Variants in HTR3B observed in about 807,000 individuals in gnomAD.
The protein encoded by HTR3B is 5-hydroxytryptamine receptor 3B, also known as 5-hydroxytryptamine (serotonin) receptor 3B, ionotropic.
A neutral mutation model predicts 42.8 loss-of-function variants in HTR3B; 44 were observed. That is an observed-to-expected ratio of 1.03 (90% CI 0.81 to 1.32). The LOEUF is 1.32. HTR3B is among the 40% of genes most tolerant of loss of function. The pLI is 0.00. For synonymous variants in HTR3B, 203 were observed against 209.0 expected, an observed-to-expected ratio of 0.97 and a Z score of 0.25; for missense variants, 527 against 536.5, an observed-to-expected ratio of 0.98 and a Z score of 0.17.
At chr11:113,909,131 A>C in intron 1 of HTR3B, 164 bp from the exon 2 acceptor site, 2 of 634,030 alleles carry the variant, frequency 3.2e-6, no homozygotes, top group Non-Finnish European at 5.6e-6. Flanking sequence ...GCTTACTTTA[A>C]GCATTTGCCA....
intron 6 of HTR3B, among the ~76,000 whole-genome samples, chr11:113,940,479 A>G (rs910334230): frequency 2.0e-5 from 3 of 152,204 alleles, no homozygotes; most frequent in East Asian, 3.9e-4. Context: ...GCATGATGAC[A>G]GGAGCTAGAG....
chr11:113,903,549 C>T (rs1949710898), upstream of HTR3B, among the ~76,000 whole-genome samples: 1 of 151,564 alleles, frequency 6.6e-6, no homozygotes, highest in Non-Finnish European at 1.5e-5. Context: ...CTGCCTCAGC[C>T]TCCCGAGTAG....
At chr11:113,941,658 G>T (rs1478563774) in intron 6 of HTR3B, among the ~76,000 whole-genome samples, 2 of 152,134 alleles carry the variant, frequency 1.3e-5, no homozygotes. Flanking sequence ...GACCAGTAGG[G>T]AGAGGAAGCA....
chr11:113,908,653 T>A (rs774454652), intron 1 of HTR3B, among the ~76,000 whole-genome samples: 1 of 152,204 alleles, frequency 6.6e-6, no homozygotes, highest in Non-Finnish European at 1.5e-5. Flanking sequence ...GATTTTTGGG[T>A]CAGAAGAAAT....
rs1050371993 is a variant in HTR3B, at chr11:113,946,194, T to C, written c.*57T>C. ...CACTTAGGAGAGAGAGGAGGGGGAA[T>C]AATAGTGGGTTAAAAAGCTTTCTGG... On this transcript the variant is annotated 3_prime_UTR_variant, in exon 9 of 9. Coordinates refer to ENST00000260191, the MANE Select transcript of HTR3B (RefSeq NM_006028.5). 18 of 1,387,318 alleles carry C rather than the reference T, an allele frequency of 1.3e-5. No individual in the cohort carries two copies. The highest frequency in any genetic ancestry group is 2.3e-5 in the South Asian group (2 of 86,238). The allele number at this position is 1,387,318 out of a possible 1,614,324, so 85.9% of individuals were successfully genotyped here. A position where few individuals can be genotyped will look rare whatever the true frequency, so the allele number is the denominator to read the frequency against.
Position 113,946,231 on chromosome 11 carries a change from T to A in HTR3B, c.*94T>A, listed in dbSNP as rs1430913886. ...AAAAAGCTTTCTGGGTCGGGTGTGG[T>A]GGTTCTTGCCTATAGTCCCAGTGCT... On this transcript the variant is annotated 3_prime_UTR_variant, in exon 9 of 9. Coordinates refer to ENST00000260191, the MANE Select transcript of HTR3B (RefSeq NM_006028.5). The A allele has an allele frequency of 1.0e-6, 1 of 982,482 alleles. No homozygotes were observed. The highest frequency in any genetic ancestry group is 1.6e-6 in the Non-Finnish European group (1 of 644,312). The allele number at this position is 982,482 out of a possible 1,614,324, so 60.9% of individuals were successfully genotyped here. A position where few individuals can be genotyped will look rare whatever the true frequency, so the allele number is the denominator to read the frequency against.
intron 6 of HTR3B, among the ~76,000 whole-genome samples, chr11:113,938,572 A>T (rs1473892775): frequency 6.6e-6 from 1 of 152,246 alleles, no homozygotes; most frequent in East Asian, 1.9e-4. Flanking sequence ...AGTATTTAGG[A>T]TAGTACCAGA....
At chr11:113,943,807 G>C (rs544558106) in intron 7 of HTR3B, among the ~76,000 whole-genome samples, 52 of 151,206 alleles carry the variant, frequency 3.4e-4, no homozygotes, top group African/African-American at 1.1e-3. Flanking sequence ...AGCAAGAACG[G>C]AAGGGAAGGG....
Position 113,931,875 on chromosome 11 carries a change from T to C in HTR3B, c.368+8T>C, listed in dbSNP as rs765930412. ...TATCATCATCAATGAGTTGTAAGTGTGCCAGTGTGTATTTCTGTGGGGTTT... is the reference window on the plus strand; with the variant it reads ...TATCATCATCAATGAGTTGTAAGTGCGCCAGTGTGTATTTCTGTGGGGTTT... On this transcript the variant is annotated splice_region_variant and intron_variant, in intron 4 of 8. Coordinates refer to ENST00000260191, the MANE Select transcript of HTR3B (RefSeq NM_006028.5). The C allele has an allele frequency of 2.7e-6, 4 of 1,486,868 alleles. No homozygotes were observed. Among genetic ancestry groups the C allele is most frequent in the Non-Finnish European group, 3.8e-6 (4 of 1,063,584 alleles). The allele number at this position is 1,486,868 out of a possible 1,614,324, so 92.1% of individuals were successfully genotyped here.
In HTR3B at chr11:113,947,638, C is replaced by G. The variant is rs918623960; in HGVS notation, c.*1501C>G. The stretch of plus-strand genomic sequence containing the variant: ...TCTGTGTCCAGATTTTCTCTTCTAA[C>G]AAGGGCACCAGTGTTGTTGGTTTAG... On this transcript the variant is annotated 3_prime_UTR_variant, in exon 9 of 9. Coordinates refer to ENST00000260191, the MANE Select transcript of HTR3B (RefSeq NM_006028.5). Among the ~76,000 whole-genome samples the G allele has an allele frequency of 1.3e-5, 2 of 152,138 alleles. No homozygotes were observed. Among genetic ancestry groups the G allele is most frequent in the African/African-American group, 4.8e-5 (2 of 41,426 alleles).
chr11:113,917,093 T>C (rs1949861599), intron 2 of HTR3B, among the ~76,000 whole-genome samples: 1 of 152,112 alleles, frequency 6.6e-6, no homozygotes, highest in African/African-American at 2.4e-5. Context: ...TCTATAAATA[T>C]TAATTCAATA....
upstream of HTR3B, among the ~76,000 whole-genome samples, chr11:113,899,939 C>T (rs954231614): frequency 2.0e-5 from 3 of 152,168 alleles, no homozygotes; most frequent in Non-Finnish European, 2.9e-5. Flanking sequence ...CAGATTAAGT[C>T]TTTGTTTCTT....
chr11:113,899,151 C>A, the HTR3B span, among the ~76,000 whole-genome samples: 1 of 152,132 alleles, frequency 6.6e-6, no homozygotes, highest in East Asian at 1.9e-4. Context: ...AAAACCATGA[C>A]ACAAAAACCA....
At chr11:113,945,169 C>G (rs1950166948) in intron 8 of HTR3B, among the ~76,000 whole-genome samples, 1 of 152,136 alleles carries the variant, frequency 6.6e-6, no homozygotes, top group Admixed American at 6.5e-5. Flanking sequence ...GAATCTCGCT[C>G]TGTCGCCCAG....
chr11:113,925,593 T>C (rs1949962277), intron 2 of HTR3B, among the ~76,000 whole-genome samples: 1 of 152,002 alleles, frequency 6.6e-6, no homozygotes, highest in Non-Finnish European at 1.5e-5. Context: ...CCAGCTAATT[T>C]TTGTATTTTT....
chr11:113,926,517 C>CCTTTCCTTTCCTTTCCTTTT lies in HTR3B; in HGVS notation c.214-4866_214-4847dup, dbSNP rs1591578811. Among the ~76,000 whole-genome samples, 5 of 147,514 alleles carry CCTTTCCTTTCCTTTCCTTTT rather than the reference C, an allele frequency of 3.4e-5. No homozygotes were observed. The East Asian group carries it at 9.9e-4, about 29-fold the overall frequency. The stretch of plus-strand genomic sequence containing the variant: ...CCTTTCCTTTCCTTTCCTTTCCTTT[C>CCTTTCCTTTCCTTTCCTTTT]CTTTCCTTTCCTTTCCTTTTTTTCT... On this transcript the variant is annotated intron_variant, in intron 2 of 8. Coordinates refer to ENST00000260191, the MANE Select transcript of HTR3B (RefSeq NM_006028.5).
At chr11:113,899,753 A>G in the HTR3B span, among the ~76,000 whole-genome samples, 1 of 152,218 alleles carries the variant, frequency 6.6e-6, no homozygotes, top group East Asian at 1.9e-4. Flanking sequence ...TGCTTCTTCC[A>G]AAAGACATCG....
chr11:113,912,652 A>G (rs1298161499), intron 2 of HTR3B, among the ~76,000 whole-genome samples: 1 of 151,934 alleles, frequency 6.6e-6, no homozygotes, highest in African/African-American at 2.4e-5. Flanking sequence ...TGCATTTTAC[A>G]CTCCCACCAG....
At chr11:113,916,318 T>G (rs1949853562) in intron 2 of HTR3B, among the ~76,000 whole-genome samples, 1 of 152,246 alleles carries the variant, frequency 6.6e-6, no homozygotes, top group African/African-American at 2.4e-5. Flanking sequence ...ATTTTAAAGT[T>G]GGGCTGTTTA....
Sources: allele counts gnomAD v4.1 joint callset (sites outside exome capture counted in the v4.1 genomes callset), GRCh38; gene constraint gnomAD v4.1.1; transcripts MANE v1.5; gene names NCBI Gene and HGNC (gene_info 2026-07-23, HGNC 2026-07-21).